The following STX8 variants were observed in gnomAD, a reference collection of about 807,000 sequenced individuals.
STX8 encodes syntaxin 8.
A neutral mutation model predicts 37.5 loss-of-function variants in STX8; 23 were observed. That is an observed-to-expected ratio of 0.61 (90% CI 0.44 to 0.87). The LOEUF is 0.87. Ranked by LOEUF, STX8 falls within the 40% of genes least tolerant of loss-of-function variation. The pLI is 0.00. For missense variants in STX8, 313 were observed against 284.7 expected (o/e 1.10, Z -0.71); for synonymous variants, 115 against 99.1 (o/e 1.16, Z -0.95).
chr17:9,271,748 C>CAAAAAAAA (rs71135959), intron 7 of STX8, among the ~76,000 whole-genome samples: 28 of 63,258 alleles, frequency 4.4e-4, no homozygotes, highest in Non-Finnish European at 5.8e-4. Flanking sequence ...GACTCCATCT[C>CAAAAAAAA]AAAAAAAAAA....
At chr17:9,558,260 T>C (rs928551264) in intron 2 of STX8, among the ~76,000 whole-genome samples, 1 of 152,220 alleles carries the variant, frequency 6.6e-6, no homozygotes, top group African/African-American at 2.4e-5. Flanking sequence ...ATCAGACATA[T>C]GTTAAAAACA....
chr17:9,372,533 A>G (rs928016983), intron 7 of STX8, among the ~76,000 whole-genome samples: 2 of 151,916 alleles, frequency 1.3e-5, no homozygotes, highest in African/African-American at 4.8e-5. Flanking sequence ...GCTGGAGTGC[A>G]GTGGCATGAT....
chr17:9,475,994 C>T (rs896037409), intron 6 of STX8, among the ~76,000 whole-genome samples: 5 of 152,212 alleles, frequency 3.3e-5, no homozygotes, highest in Admixed American at 1.3e-4. Context: ...GCCTGACCAA[C>T]ATGGTGAAAC....
At chr17:9,386,475 G>A (rs1005467958) in intron 6 of STX8, among the ~76,000 whole-genome samples, 6 of 152,060 alleles carry the variant, frequency 3.9e-5, no homozygotes, top group Admixed American at 2.0e-4. Flanking sequence ...ATGTTCGAAA[G>A]GTCATACAAA....
At chr17:9,339,717 G>C (rs543662039) in intron 7 of STX8, among the ~76,000 whole-genome samples, 1 of 152,254 alleles carries the variant, frequency 6.6e-6, no homozygotes, top group East Asian at 1.9e-4. Flanking sequence ...CCTATGCTCA[G>C]AAAGGGCTTT....
chr17:9,462,344 T>A (rs1217136075), intron 6 of STX8, among the ~76,000 whole-genome samples: 1 of 152,198 alleles, frequency 6.6e-6, no homozygotes, highest in Non-Finnish European at 1.5e-5. Context: ...TTATAAGTTC[T>A]AAGCAAACCA....
chr17:9,557,618 G>T, intron 2 of STX8, 90 bp from the exon 3 acceptor site: 3 of 1,123,776 alleles, frequency 2.7e-6, no homozygotes, highest in Non-Finnish European at 4.0e-6. Flanking sequence ...CACGGGCTAT[G>T]ATGCAACCAA....
intron 5 of STX8, among the ~76,000 whole-genome samples, chr17:9,495,406 G>A (rs1904347502): frequency 6.6e-6 from 1 of 152,024 alleles, no homozygotes; most frequent in Admixed American, 6.6e-5. Flanking sequence ...ATAGGACTGA[G>A]GGTTGAGTGT....
chr17:9,525,703 G>A (rs1223917868), intron 4 of STX8, among the ~76,000 whole-genome samples: 2 of 152,112 alleles, frequency 1.3e-5, no homozygotes, highest in Non-Finnish European at 2.9e-5. Context: ...ACACAAAGTG[G>A]CATTTCACTA....
At chr17:9,501,701 C>T (rs963275571) in intron 5 of STX8, among the ~76,000 whole-genome samples, 1 of 151,326 alleles carries the variant, frequency 6.6e-6, no homozygotes, top group Admixed American at 6.6e-5. Flanking sequence ...AGGCCAGGCA[C>T]GGTGGCTCAC....
At chr17:9,504,187 C>T (rs922062343) in intron 5 of STX8, among the ~76,000 whole-genome samples, 2 of 151,842 alleles carry the variant, frequency 1.3e-5, no homozygotes, top group Non-Finnish European at 2.9e-5. Flanking sequence ...TGAATGTATA[C>T]AAAAGGTCTA....
intron 7 of STX8, among the ~76,000 whole-genome samples, chr17:9,344,824 C>T (rs1345210569): frequency 6.6e-6 from 1 of 152,182 alleles, no homozygotes; most frequent in African/African-American, 2.4e-5. Context: ...AACTCATTGA[C>T]TTCCCACTGT....
At chr17:9,416,617 T>C (rs760116894) in intron 6 of STX8, among the ~76,000 whole-genome samples, 1 of 152,182 alleles carries the variant, frequency 6.6e-6, no homozygotes, top group Non-Finnish European at 1.5e-5. Flanking sequence ...TCTGCCCACC[T>C]TGGCCTCCCA....
chr17:9,360,227 C>CTTTTTTTTTTTTT lies in STX8; in HGVS notation c.643+18312_643+18324dup, dbSNP rs58213453. The stretch of plus-strand genomic sequence containing the variant: ...ATACATATAATGTAAAATTAACCGT[C>CTTTTTTTTTTTTT]TTTTTTTTTTTTTTTTTTTTTTTTG... On this transcript the variant is annotated intron_variant, in intron 7 of 7. Coordinates refer to ENST00000306357, the MANE Select transcript of STX8 (RefSeq NM_004853.3). 4.0e-4 allele frequency among the ~76,000 whole-genome samples: 29 copies of CTTTTTTTTTTTTT among 72,610 alleles called. 2 individuals are homozygous for CTTTTTTTTTTTTT. The highest frequency in any genetic ancestry group is 1.4e-3 in the African/African-American group (26 of 18,702). 47.6% of individuals were successfully genotyped at this position (72,610 alleles called of 152,430 possible).
intron 6 of STX8, among the ~76,000 whole-genome samples, chr17:9,448,567 G>C (rs1356475826): frequency 8.3e-6 from 1 of 120,196 alleles, no homozygotes. Flanking sequence ...ACATGTATTC[G>C]GTAAGTTTCA....
chr17:9,487,721 A>G (rs1567582554), intron 6 of STX8, among the ~76,000 whole-genome samples: 1 of 152,132 alleles, frequency 6.6e-6, no homozygotes, highest in Non-Finnish European at 1.5e-5. Context: ...AGATGAGGAC[A>G]GGGGAGGTGT....
chr17:9,259,255 A>C (rs915787648), intron 7 of STX8, among the ~76,000 whole-genome samples: 7 of 152,204 alleles, frequency 4.6e-5, no homozygotes, highest in African/African-American at 1.7e-4. Context: ...ACAGTACATG[A>C]AACTTCTAGA....
chr17:9,561,586 G>C (rs953225600), intron 2 of STX8, among the ~76,000 whole-genome samples: 6 of 150,544 alleles, frequency 4.0e-5, no homozygotes, highest in African/African-American at 1.5e-4. Context: ...TTGAACCTGG[G>C]AGGCTCGGAG....
At chr17:9,439,501 T>C (rs934867157) in intron 6 of STX8, among the ~76,000 whole-genome samples, 4 of 152,114 alleles carry the variant, frequency 2.6e-5, no homozygotes, top group Admixed American at 1.3e-4. Context: ...TAACTAATTG[T>C]TATGATCACT....
Sources: allele counts gnomAD v4.1 joint callset (sites outside exome capture counted in the v4.1 genomes callset), GRCh38; gene constraint gnomAD v4.1.1; transcripts MANE v1.5; gene names NCBI Gene and HGNC (gene_info 2026-07-23, HGNC 2026-07-21).